NOL4: variants seen among roughly 807,000 people sequenced by gnomAD.
NOL4 encodes the protein nucleolar protein 4.
NOL4 carries 17 observed loss-of-function variants against 75.9 expected under a neutral mutation model. The observed-to-expected ratio is 0.22, with a 90% CI of 0.15 to 0.34. The LOEUF is 0.34. Among genes scored for constraint, NOL4 ranks in the 10% least tolerant of loss-of-function variants. The probability of loss-of-function intolerance (pLI) is 1.00; values close to 1 mark genes in which losing one functional copy is unlikely to be tolerated. For missense variants in NOL4, 614 were observed against 793.5 expected, an observed-to-expected ratio of 0.77 and a Z score of 2.72; for synonymous variants, 292 against 289.9, an observed-to-expected ratio of 1.01 and a Z score of -0.07.
chr18:34,183,423 T>C (rs1372017582), intron 1 of NOL4: 1 of 151,872 alleles, frequency 6.6e-6, no homozygotes, highest in African/African-American at 2.4e-5. Context: ...ACTGACACAC[T>C]ATACGTTGCT....
intron 5 of NOL4, among the ~76,000 whole-genome samples, chr18:34,074,775 T>C (rs983384327): frequency 1.3e-5 from 2 of 152,092 alleles, no homozygotes; most frequent in Non-Finnish European, 2.9e-5. Context: ...GAGAATAAAG[T>C]AGTATTTCTG....
Position 33,943,191 on chromosome 18 carries a change from A to G in NOL4, c.1429-13T>C, listed in dbSNP as rs1568102775. ...GAATAGGTCGAGACTAAAAAAAAAAAGAGAAAAGTATGAAAAAAATTATTA... is the reference window on the plus strand; with the variant it reads ...GAATAGGTCGAGACTAAAAAAAAAAGGAGAAAAGTATGAAAAAAATTATTA... On this transcript the variant is annotated splice_polypyrimidine_tract_variant and intron_variant, in intron 8 of 10. Transcript: ENST00000261592. The G allele has an allele frequency of 1.3e-6, 2 of 1,551,182 alleles. No individual in the cohort carries two copies. Among genetic ancestry groups the G allele is most frequent in the Non-Finnish European group, 1.8e-6 (2 of 1,129,384 alleles).
intron 1 of NOL4, among the ~76,000 whole-genome samples, chr18:34,140,574 T>C (rs1232764683): frequency 6.6e-6 from 1 of 152,174 alleles, no homozygotes; most frequent in Admixed American, 6.5e-5. Flanking sequence ...TATGTGTGTC[T>C]CTGCACATGA....
intron 2 of NOL4, among the ~76,000 whole-genome samples, chr18:34,126,496 A>G (rs765474527): frequency 6.6e-6 from 1 of 152,130 alleles, no homozygotes; most frequent in Non-Finnish European, 1.5e-5. Flanking sequence ...TGTTTTCTCT[A>G]TTGATAACAC....
intron 2 of NOL4, 32 bp downstream of exon 2, chr18:34,129,839 G>A: frequency 6.6e-7 from 1 of 1,519,174 alleles, no homozygotes; most frequent in Non-Finnish European, 8.8e-7. Context: ...GTCTCGAAAT[G>A]CATGCTCTTT....
At chr18:34,194,457 A>AAGGCAGGCAGGC (rs576872798) in intron 1 of NOL4, among the ~76,000 whole-genome samples, 1 of 146,206 alleles carries the variant, frequency 6.8e-6, no homozygotes, top group Non-Finnish European at 1.5e-5. Flanking sequence ...GGAAGGAAGG[A>AAGGCAGGCAGGC]AGGCAGGCAG....
At chr18:33,866,564 C>T (rs915470693) in intron 10 of NOL4, among the ~76,000 whole-genome samples, 7 of 152,248 alleles carry the variant, frequency 4.6e-5, no homozygotes, top group East Asian at 1.9e-4. Flanking sequence ...TGTAAACTGA[C>T]TGAGTTTATT....
intron 9 of NOL4, among the ~76,000 whole-genome samples, chr18:33,903,004 A>T (rs1002334246): frequency 6.6e-6 from 1 of 152,162 alleles, no homozygotes; most frequent in Admixed American, 6.6e-5. Flanking sequence ...TTTGATAAAC[A>T]TCCTCAAAAT....
At chr18:34,025,469 AG>A (rs2144566448) in intron 5 of NOL4, among the ~76,000 whole-genome samples, 1 of 152,314 alleles carries the variant, frequency 6.6e-6, no homozygotes, top group East Asian at 1.9e-4. Context: ...CTCACATAGC[AG>A]GTAAAGAGTA....
At chr18:34,119,475 G>A (rs569418611) in intron 2 of NOL4, among the ~76,000 whole-genome samples, 1 of 152,196 alleles carries the variant, frequency 6.6e-6, no homozygotes, top group East Asian at 1.9e-4. Context: ...TGCACCATTT[G>A]TAGAAAAGCA....
intron 9 of NOL4, among the ~76,000 whole-genome samples, chr18:33,917,725 A>G (rs1272123608): frequency 6.6e-6 from 1 of 151,962 alleles, no homozygotes; most frequent in Non-Finnish European, 1.5e-5. Flanking sequence ...GCTGGCCTCA[A>G]ACTCCTAGGT....
At chr18:34,174,945 G>C (rs1057015189) in intron 1 of NOL4, among the ~76,000 whole-genome samples, 7 of 152,030 alleles carry the variant, frequency 4.6e-5, no homozygotes, top group Non-Finnish European at 1.0e-4. Flanking sequence ...CATTTGGGTT[G>C]GTTCAAAGTC....
At chr18:34,107,647 G>GA (rs995029967) in intron 2 of NOL4, among the ~76,000 whole-genome samples, 6 of 128,100 alleles carry the variant, frequency 4.7e-5, no homozygotes, top group African/African-American at 1.5e-4. Flanking sequence ...ACTCATTTCT[G>GA]AAAAAAAATA....
chr18:33,970,178 T>C (rs1156982710), intron 6 of NOL4, among the ~76,000 whole-genome samples: 2 of 152,192 alleles, frequency 1.3e-5, no homozygotes, highest in Non-Finnish European at 2.9e-5. Flanking sequence ...GTATAGCCAT[T>C]ATGAGCTCCA....
chr18:34,209,379 T>C (rs2036356710), intron 1 of NOL4, among the ~76,000 whole-genome samples: 1 of 152,090 alleles, frequency 6.6e-6, no homozygotes, highest in South Asian at 2.1e-4. Flanking sequence ...ACCATAACTC[T>C]AAAAAATATG....
chr18:34,041,869 T>C (rs929462900), intron 5 of NOL4, among the ~76,000 whole-genome samples: 3 of 152,080 alleles, frequency 2.0e-5, no homozygotes, highest in East Asian at 1.9e-4. Flanking sequence ...ATATTTATTA[T>C]ACAGGGCTAC....
At chr18:33,992,890 A>C (rs570770348) in intron 6 of NOL4, among the ~76,000 whole-genome samples, 1 of 152,026 alleles carries the variant, frequency 6.6e-6, no homozygotes, top group African/African-American at 2.4e-5. Context: ...AGGAGACCAT[A>C]ATGTAGCACT....
chr18:34,222,522 G>A (rs2146654042), intron 1 of NOL4: 1 of 871,954 alleles, frequency 1.1e-6, no homozygotes, highest in East Asian at 1.2e-4. Context: ...GCTACATTCG[G>A]GCTTTATGCC....
chr18:34,150,594 T>C (rs1373232510), intron 1 of NOL4, among the ~76,000 whole-genome samples: 4 of 151,252 alleles, frequency 2.6e-5, no homozygotes, highest in African/African-American at 9.7e-5. Context: ...TGAAAATGAA[T>C]CCTAGACTAA....
Sources: allele counts gnomAD v4.1 joint callset (sites outside exome capture counted in the v4.1 genomes callset), GRCh38; gene constraint gnomAD v4.1.1; transcripts MANE v1.5; gene names NCBI Gene and HGNC (gene_info 2026-07-23, HGNC 2026-07-21).